DEPDC7: variants seen among roughly 807,000 people sequenced by gnomAD.
DEPDC7 encodes the protein DEP domain containing 7.
Under a neutral mutation model 56.6 loss-of-function variants are expected in DEPDC7, and 41 were observed. That is an observed-to-expected ratio of 0.72 (90% CI 0.56 to 0.94). The LOEUF (loss-of-function observed/expected upper bound fraction) is 0.94. Among genes scored for constraint, DEPDC7 ranks in the 40% least tolerant of loss-of-function variants. The pLI is 0.00. For synonymous variants in DEPDC7, 185 were observed against 208.8 expected, an observed-to-expected ratio of 0.89 and a Z score of 0.98; for missense variants, 522 against 596.3, an observed-to-expected ratio of 0.88 and a Z score of 1.30.
In DEPDC7 at chr11:33,029,460, C is replaced by T. The variant is rs528857453; in HGVS notation, c.782+668C>T. 4.0e-4 allele frequency among the ~76,000 whole-genome samples: 56 copies of T among 141,692 alleles called. 1 individual carries two copies. Among genetic ancestry groups the T allele is most frequent in the South Asian group, 3.2e-3 (14 of 4,382 alleles). The allele number at this position is 141,692 out of a possible 152,430, so 93.0% of individuals were successfully genotyped here. On this transcript the variant is annotated intron_variant, in intron 4 of 8. Transcript: ENST00000241051. ...TGAGCTGAGATCATGTTGCTGCATT[C>T]CAGCCTAGGTGACAGAGTGAGAATG...
intron 1 of DEPDC7, among the ~76,000 whole-genome samples, chr11:33,019,944 A>G (rs542034814): frequency 2.0e-5 from 3 of 148,356 alleles, no homozygotes; most frequent in African/African-American, 7.5e-5. Flanking sequence ...TTATATGTTC[A>G]TTAAGAGGTA....
chr11:33,016,065 G>A (rs1469663917), intron 1 of DEPDC7, 37 bp downstream of exon 1: 6 of 1,409,398 alleles, frequency 4.3e-6, no homozygotes, highest in Admixed American at 2.8e-5. Flanking sequence ...ATGGCGCGGG[G>A]CGGGCTGGGG....
At chr11:33,018,383 C>T (rs1367417823) in intron 1 of DEPDC7, among the ~76,000 whole-genome samples, 1 of 152,086 alleles carries the variant, frequency 6.6e-6, no homozygotes, top group African/African-American at 2.4e-5. Context: ...TATTTTAAAA[C>T]CTCTTTTGAA....
intron 1 of DEPDC7, chr11:33,016,526 T>C: frequency 6.2e-7 from 1 of 1,614,088 alleles, no homozygotes; most frequent in East Asian, 2.2e-5. Flanking sequence ...CTCCCCAGAC[T>C]CTTCCTGGGA....
intron 3 of DEPDC7, 44 bp downstream of exon 3, chr11:33,027,857 C>T (rs556952265): frequency 3.1e-5 from 45 of 1,471,828 alleles, no homozygotes; most frequent in Non-Finnish European, 3.7e-5. Flanking sequence ...AGACAAACTT[C>T]AAAGTTATTT....
chr11:33,017,664 A>G (rs1182231158), intron 1 of DEPDC7, among the ~76,000 whole-genome samples: 3 of 152,188 alleles, frequency 2.0e-5, no homozygotes, highest in African/African-American at 7.2e-5. Flanking sequence ...CCAGTGAGCA[A>G]GGTAGTGGGA....
chr11:33,020,340 T>C (rs968865431), intron 1 of DEPDC7, among the ~76,000 whole-genome samples: 3 of 152,124 alleles, frequency 2.0e-5, no homozygotes, highest in African/African-American at 7.2e-5. Flanking sequence ...TATGGTAGAG[T>C]TCAAATACAT....
Position 33,028,656 on chromosome 11 carries a change from G to T in DEPDC7, c.646G>T (p.Asp216Tyr). Residue 216 changes from aspartate to tyrosine, a missense_variant, in exon 4 of 9, where the codon GAC becomes TAC. Coordinates refer to ENST00000241051, the MANE Select transcript of DEPDC7 (RefSeq NM_001077242.2). ...AATTGGGCGTCTACTACAACTTGTA[G>T]ACCTTCCACTTCTTGACTCCTTACT... ...ETIGRLLQLV[D>Y]LPLLDSLLKQ... 6.2e-7 allele frequency: 1 copy of T among 1,613,348 alleles called. No homozygotes were observed. The highest frequency in any genetic ancestry group is 8.5e-7 in the Non-Finnish European group (1 of 1,179,800).
intron 1 of DEPDC7, among the ~76,000 whole-genome samples, chr11:33,023,916 G>A (rs1292502154): frequency 6.6e-6 from 1 of 151,856 alleles, no homozygotes; most frequent in Admixed American, 6.6e-5. Context: ...CTTTCTAGAC[G>A]ATCTTAAAGG....
Position 33,032,680 on chromosome 11 carries a change from A to G in DEPDC7, c.1150A>G (p.Met384Val). The change falls in exon 7 of 9, where the codon ATG becomes GTG. Residue 384 changes from methionine (M) to valine (V), a missense_variant. Met to Val is a conservative substitution (Grantham distance 21, BLOSUM62 1). Coordinates refer to ENST00000241051, the MANE Select transcript of DEPDC7 (RefSeq NM_001077242.2). ...TTTATTTTTATAGAGTGACAACCGA[A>G]TGGTTGTGAAAAGGATATTCTCAAA... is the stretch of plus-strand genomic sequence containing the variant. ...FKLQKESDNR[M>V]VVKRIFSKAI... The G allele has an allele frequency of 6.3e-7, 1 of 1,583,032 alleles. No homozygotes were observed. The highest frequency in any genetic ancestry group is 8.6e-7 in the Non-Finnish European group (1 of 1,164,278).
chr11:33,028,507 C>T, intron 3 of DEPDC7, 96 bp from the exon 4 acceptor site: 2 of 1,010,510 alleles, frequency 2.0e-6, no homozygotes, highest in East Asian at 2.8e-5. Flanking sequence ...TTTTTGGCCA[C>T]AAATTTACTA....
intron 4 of DEPDC7, among the ~76,000 whole-genome samples, chr11:33,030,501 A>G (rs1337721796): frequency 6.7e-6 from 1 of 149,756 alleles, no homozygotes; most frequent in East Asian, 2.0e-4. Flanking sequence ...TTAAAAGTTT[A>G]CTACTTTATT....
chr11:33,023,061 TA>T (rs905188946), intron 1 of DEPDC7, among the ~76,000 whole-genome samples: 4 of 150,320 alleles, frequency 2.7e-5, no homozygotes, highest in Admixed American at 1.3e-4. Context: ...CTGTCTCTAC[TA>T]AAAAAAAATA....
rs1157312559 is a variant in DEPDC7, at chr11:33,027,691, C to A, written c.470C>A (p.Ala157Glu). ...ENKLYSPARY[A>E]DALFKSSDIR... Reference sequence around the variant, plus strand: ...CTGAAATAAATTCATTTTAGGTATGCAGATGCATTATTTAAGTCATCCGAT... The same window carrying A: ...CTGAAATAAATTCATTTTAGGTATGAAGATGCATTATTTAAGTCATCCGAT... The change falls in exon 3 of 9, where the codon GCA becomes GAA. Residue 157 changes from alanine to glutamate, a missense_variant. Physicochemically the swap from Ala to Glu is moderately radical, Grantham distance 107 (BLOSUM62 -1). Coordinates refer to ENST00000241051, the MANE Select transcript of DEPDC7 (RefSeq NM_001077242.2). 2.6e-6 allele frequency: 4 copies of A among 1,518,358 alleles called. No homozygotes were observed. Among genetic ancestry groups the A allele is most frequent in the Non-Finnish European group, 3.5e-6 (4 of 1,141,034 alleles). The allele number at this position is 1,518,358 out of a possible 1,614,324, so 94.1% of individuals were successfully genotyped here.
intron 1 of DEPDC7, among the ~76,000 whole-genome samples, chr11:33,016,964 A>G (rs1853470655): frequency 6.6e-6 from 1 of 152,210 alleles, no homozygotes; most frequent in African/African-American, 2.4e-5. Flanking sequence ...TTTCATTTGT[A>G]AAAACACCAA....
intron 1 of DEPDC7, chr11:33,016,268 T>G: frequency 7.4e-7 from 1 of 1,358,822 alleles, no homozygotes; most frequent in Non-Finnish European, 9.4e-7. Context: ...CCAGCTTTTT[T>G]CTTTCTACCC....
chr11:33,028,556 A>ATATTAT, intron 3 of DEPDC7, 47 bp from the exon 4 acceptor site: 1 of 1,455,676 alleles, frequency 6.9e-7, no homozygotes, highest in Non-Finnish European at 9.3e-7. Context: ...GTGAGCATAT[A>ATATTAT]GTAACTATTA....
chr11:33,029,998 C>T (rs1420178899), intron 4 of DEPDC7, among the ~76,000 whole-genome samples: 1 of 151,866 alleles, frequency 6.6e-6, no homozygotes, highest in Non-Finnish European at 1.5e-5. Flanking sequence ...GTCTCTCTGT[C>T]GCCCAGGCTG....
At chr11:33,019,065 G>A (rs1285192824) in intron 1 of DEPDC7, among the ~76,000 whole-genome samples, 5 of 152,180 alleles carry the variant, frequency 3.3e-5, no homozygotes, top group African/African-American at 4.8e-5. Flanking sequence ...AGGTCCCTGG[G>A]ACTGCAGAGT....
Sources: allele counts gnomAD v4.1 joint callset (sites outside exome capture counted in the v4.1 genomes callset), GRCh38; gene constraint gnomAD v4.1.1; transcripts MANE v1.5; gene names NCBI Gene and HGNC (gene_info 2026-07-23, HGNC 2026-07-21).